Variants in SMAD2 observed in about 807,000 individuals in gnomAD.
SMAD2 encodes the protein MAD homolog 2.
Under a neutral mutation model 64.4 loss-of-function variants are expected in SMAD2, and 8 were observed. The ratio of observed to expected loss-of-function variants is 0.12; its 90% CI spans 0.07 to 0.22. SMAD2 has a LOEUF of 0.22. Ranked by LOEUF, SMAD2 falls within the 10% of genes least tolerant of loss-of-function variation. The pLI, the probability that SMAD2 is intolerant of heterozygous loss-of-function variation, is 1.00. For synonymous variants in SMAD2, 203 were observed against 195.8 expected (o/e 1.04, Z -0.31); for missense variants, 289 against 561.2 (o/e 0.51, Z 4.90).
At chr18:47,910,897 G>C (rs1200490798) in intron 1 of SMAD2, among the ~76,000 whole-genome samples, 1 of 152,080 alleles carries the variant, frequency 6.6e-6, no homozygotes, top group Admixed American at 6.5e-5. Context: ...GTGCAGGACA[G>C]CACCCCAACC....
chr18:47,854,393 A>G (rs1444921236), intron 6 of SMAD2, among the ~76,000 whole-genome samples: 2 of 151,920 alleles, frequency 1.3e-5, no homozygotes, highest in African/African-American at 4.8e-5. Flanking sequence ...ATACCCTCTC[A>G]AAAATGTTTC....
At chr18:47,889,719 C>T (rs1403900707) in intron 2 of SMAD2, among the ~76,000 whole-genome samples, 2 of 150,534 alleles carry the variant, frequency 1.3e-5, no homozygotes, top group Non-Finnish European at 2.9e-5. Context: ...TGCAGTGAGC[C>T]GACATCACGC....
In SMAD2 at chr18:47,814,440, A is replaced by C. The variant is rs1185780181; in HGVS notation, c.*27387T>G. 6.6e-6 allele frequency: 1 copy of C among 152,242 alleles called. No homozygotes were observed. Among genetic ancestry groups the C allele is most frequent in the African/African-American group, 2.4e-5 (1 of 41,474 alleles). The allele number at this position is 152,242 out of a possible 1,614,324, so 9.4% of individuals were successfully genotyped here. On this transcript the variant is annotated 3_prime_UTR_variant, in exon 11 of 11. Coordinates refer to ENST00000262160, the MANE Select transcript of SMAD2 (RefSeq NM_005901.6). ...CTAAAAGCAAAGCTTGGACAACTGA[A>C]CATGAGTTTTACTCCTAACCATGGA...
Position 47,834,894 on chromosome 18 carries a change from CAAAGGCTGCCAGCTGGAG to C in SMAD2, c.*6915_*6932del. The C allele has an allele frequency of 4.5e-6, 1 of 222,806 alleles. No homozygotes were observed. Among genetic ancestry groups the C allele is most frequent in the East Asian group, 6.5e-5 (1 of 15,478 alleles). 13.8% of individuals were successfully genotyped at this position (222,806 alleles called of 1,614,324 possible). ...CACAGTCCTGCATTATATATTAAAA[CAAAGGCTGCCAGCTGGAG>C]ACACAGCCCTCCGATTACAAAGGCC... On this transcript the variant is annotated 3_prime_UTR_variant, in exon 11 of 11. Coordinates refer to ENST00000262160, the MANE Select transcript of SMAD2 (RefSeq NM_005901.6).
rs905583580 is a variant in SMAD2, at chr18:47,829,427, G to T, written c.*12400C>A. On this transcript the variant is annotated 3_prime_UTR_variant, in exon 11 of 11. Transcript: ENST00000262160. ...AAAAAGCACATCCACTTTTACAATG[G>T]TCACATACAAATGGGGAAAGAGTGG... is the stretch of plus-strand genomic sequence containing the variant. 6.6e-6 allele frequency: 1 copy of T among 150,510 alleles called. No homozygotes were observed. Among genetic ancestry groups the T allele is most frequent in the African/African-American group, 2.4e-5 (1 of 41,030 alleles). The allele number at this position is 150,510 out of a possible 1,614,324, so 9.3% of individuals were successfully genotyped here. A position where few individuals can be genotyped will look rare whatever the true frequency, so the allele number is the denominator to read the frequency against.
intron 1 of SMAD2, among the ~76,000 whole-genome samples, chr18:47,924,167 G>C (rs1401984984): frequency 6.8e-6 from 1 of 147,456 alleles, no homozygotes; most frequent in Non-Finnish European, 1.5e-5. Context: ...AGAACTGCTT[G>C]AACCTAGGAG....
intron 4 of SMAD2, among the ~76,000 whole-genome samples, chr18:47,868,875 G>A (rs2031755127): frequency 6.6e-6 from 1 of 152,056 alleles, no homozygotes; most frequent in Admixed American, 6.6e-5. Context: ...TTTACTAAAC[G>A]GTGTACATAC....
rs187021241 is a variant in SMAD2 at position 47,837,237 on chromosome 18, A to T, written c.*4590T>A. ...ATGTTCCTTTTTTGTTAATAAGTTC[A>T]AAGGAGAGAAACATTCTGATATATG... On this transcript the variant is annotated 3_prime_UTR_variant, in exon 11 of 11. Transcript: ENST00000262160. 1.2e-3 allele frequency: 242 copies of T among 197,138 alleles called. No individual in the cohort carries two copies. Among genetic ancestry groups the T allele is most frequent in the African/African-American group, 5.4e-3 (236 of 43,394 alleles). The allele number at this position is 197,138 out of a possible 1,614,324, so 12.2% of individuals were successfully genotyped here.
At chr18:47,874,605 A>G (rs943904192) in intron 2 of SMAD2, among the ~76,000 whole-genome samples, 7 of 152,218 alleles carry the variant, frequency 4.6e-5, no homozygotes, top group African/African-American at 1.4e-4. Flanking sequence ...AGTCCCAACA[A>G]AAAATTCATA....
chr18:47,912,213 G>A (rs1356634988), intron 1 of SMAD2: 1 of 152,200 alleles, frequency 6.6e-6, no homozygotes, highest in East Asian at 1.9e-4. Flanking sequence ...AAGATGAGGG[G>A]AAAATAAGGC....
At chr18:47,896,941 C>T (rs2033463982) in intron 1 of SMAD2, 132 bp from the exon 2 acceptor site, 2 of 760,012 alleles carry the variant, frequency 2.6e-6, no homozygotes, top group South Asian at 3.3e-5. Context: ...GACTTCTCCA[C>T]CCATGAAAAC....
chr18:47,908,877 T>A (rs909725245), intron 1 of SMAD2, among the ~76,000 whole-genome samples: 6 of 152,216 alleles, frequency 3.9e-5, no homozygotes, highest in African/African-American at 1.2e-4. Context: ...TGCAATACCA[T>A]AAGCCTTGAC....
chr18:47,906,844 C>G (rs891952759), intron 1 of SMAD2, among the ~76,000 whole-genome samples: 1 of 152,142 alleles, frequency 6.6e-6, no homozygotes, highest in Non-Finnish European at 1.5e-5. Flanking sequence ...CATCGTCACA[C>G]TGCCTTCTCT....
intron 6 of SMAD2, 95 bp downstream of exon 6, chr18:47,864,961 ACTT>A (rs1233951425): frequency 1.3e-6 from 1 of 760,598 alleles, no homozygotes; most frequent in Non-Finnish European, 2.3e-6. Flanking sequence ...ATGCGTCTCA[ACTT>A]CTCTAAATTT....
chr18:47,827,679 G>T lies in SMAD2; in HGVS notation c.*14148C>A. The T allele has an allele frequency of 6.3e-6, 1 of 157,904 alleles. No individual in the cohort carries two copies. The highest frequency in any genetic ancestry group is 1.4e-5 in the Non-Finnish European group (1 of 71,944). 9.8% of individuals were successfully genotyped at this position (157,904 alleles called of 1,614,324 possible). Reference sequence around the variant, plus strand: ...TATTTTTTGGTGGAGACGGGGTTTCGCCGTGTTGGCCAGGCTGGTCTCCAG... The same window carrying T: ...TATTTTTTGGTGGAGACGGGGTTTCTCCGTGTTGGCCAGGCTGGTCTCCAG... On this transcript the variant is annotated 3_prime_UTR_variant, in exon 11 of 11. Transcript: ENST00000262160.
rs1323683060 is a variant in SMAD2 at position 47,828,262 on chromosome 18, C to T, written c.*13565G>A. On this transcript the variant is annotated 3_prime_UTR_variant, in exon 11 of 11. Transcript: ENST00000262160. ...GCCCCTGCTCGGCCAGCCGCCCCGT[C>T]CGGGAGGTGGGGGGCAACCCCCGCC... is the stretch of plus-strand genomic sequence containing the variant. The T allele has an allele frequency of 2.6e-5, 4 of 154,306 alleles. No homozygotes were observed. Among genetic ancestry groups the T allele is most frequent in the African/African-American group, 7.3e-5 (3 of 41,164 alleles). 9.6% of individuals were successfully genotyped at this position (154,306 alleles called of 1,614,324 possible). A position where few individuals can be genotyped will look rare whatever the true frequency, so the allele number is the denominator to read the frequency against.
Position 47,816,786 on chromosome 18 carries a change from C to CG in SMAD2, c.*25040dup, listed in dbSNP as rs1912386219. ...GGTCTTTTTTTTTTTTTTTTGGAGA[C>CG]GTAGTTTTGCACTGTCGCCCAGGCT... On this transcript the variant is annotated 3_prime_UTR_variant, in exon 11 of 11. Coordinates refer to ENST00000262160, the MANE Select transcript of SMAD2 (RefSeq NM_005901.6). The CG allele has an allele frequency of 7.9e-6, 1 of 126,114 alleles. No homozygotes were observed. Among genetic ancestry groups the CG allele is most frequent in the East Asian group, 2.4e-4 (1 of 4,180 alleles). The allele number at this position is 126,114 out of a possible 1,614,324, so 7.8% of individuals were successfully genotyped here. A position where few individuals can be genotyped will look rare whatever the true frequency, so the allele number is the denominator to read the frequency against.
intron 1 of SMAD2, among the ~76,000 whole-genome samples, chr18:47,918,574 G>A (rs781517879): frequency 1.8e-4 from 28 of 152,244 alleles, no homozygotes; most frequent in Non-Finnish European, 3.7e-4. Flanking sequence ...GAGGAAAAAC[G>A]TCAAACAAAA....
rs1253400142 is a variant in SMAD2 at position 47,820,558 on chromosome 18, G to T, written c.*21269C>A. ...GGGTGTGAGAATGTACCTTTGGTAAGGAAGGTTACAAAATTAACAGAATAA... is the reference window on the plus strand; with the variant it reads ...GGGTGTGAGAATGTACCTTTGGTAATGAAGGTTACAAAATTAACAGAATAA... On this transcript the variant is annotated 3_prime_UTR_variant, in exon 11 of 11. Transcript: ENST00000262160. 1 of 152,190 alleles carries T rather than the reference G, an allele frequency of 6.6e-6. No individual in the cohort carries two copies. Among genetic ancestry groups the T allele is most frequent in the East Asian group, 1.9e-4 (1 of 5,204 alleles). 9.4% of individuals were successfully genotyped at this position (152,190 alleles called of 1,614,324 possible). A position where few individuals can be genotyped will look rare whatever the true frequency, so the allele number is the denominator to read the frequency against.
Sources: gnomAD v4.1 joint callset for allele counts (sites outside exome capture counted in the v4.1 genomes callset) on GRCh38, gnomAD v4.1.1 for gene constraint, MANE v1.5 for transcripts, NCBI Gene and HGNC (gene_info 2026-07-23, HGNC 2026-07-21) for gene names.